Variants in SLC5A10 observed in about 807,000 individuals in gnomAD.
SLC5A10 encodes the protein sodium/mannose cotransporter SLC5A10.
SLC5A10 carries 55 observed loss-of-function variants against 68.9 expected under a neutral mutation model. The ratio of observed to expected loss-of-function variants is 0.80; its 90% CI spans 0.64 to 1.00. SLC5A10 has a LOEUF of 1.00. Among genes scored for constraint, SLC5A10 ranks in the 50% least tolerant of loss-of-function variants. The pLI, the probability that SLC5A10 is intolerant of heterozygous loss-of-function variation, is 0.00. For missense variants in SLC5A10, 732 were observed against 819.3 expected, an observed-to-expected ratio of 0.89 and a Z score of 1.30; for synonymous variants, 344 against 344.8, an observed-to-expected ratio of 1.00 and a Z score of 0.02.
At chr17:18,958,204 G>C (rs908654461) in intron 1 of SLC5A10, among the ~76,000 whole-genome samples, 9 of 152,280 alleles carry the variant, frequency 5.9e-5, no homozygotes, top group African/African-American at 2.2e-4. Flanking sequence ...CTAAGTAGCG[G>C]GGGCCACAGG....
At chr17:18,953,895 T>C (rs1464598891) in intron 1 of SLC5A10, 1 of 152,324 alleles carries the variant, frequency 6.6e-6, no homozygotes. Flanking sequence ...CTTTTCTGGT[T>C]TCAAATATTT....
chr17:19,019,477 G>A lies in SLC5A10; in HGVS notation c.1296G>A (p.Gln432=), dbSNP rs1956772478. The A allele has an allele frequency of 3.7e-6, 6 of 1,612,284 alleles. No homozygotes were observed. The African/African-American group carries it at 5.3e-5, about 14-fold the overall frequency. ...GVSVAWIPVL[Q]DSNSGQLFIY... ...GTGTGGCCTGGATCCCCGTCCTGCA[G>A]GACTCCAACAGCGGGCAACTCTTCA... Residue 432 remains glutamine, a synonymous_variant, in exon 12 of 15, where the codon CAG becomes CAA. Transcript: ENST00000395645.
Position 18,960,610 on chromosome 17 carries a change from G to T in SLC5A10, c.411G>T (p.Leu137=). Residue 137 remains leucine (L), a synonymous_variant, in exon 5 of 15, where the codon CTG becomes CTT. Coordinates refer to ENST00000395645, the MANE Select transcript of SLC5A10 (RefSeq NM_001042450.4). ...GGGGCCAGCGGATCCGCATGTACCTGTCTGTCCTGTCCCTGCTACTGTCTG... is the reference window on the plus strand; with the variant it reads ...GGGGCCAGCGGATCCGCATGTACCTTTCTGTCCTGTCCCTGCTACTGTCTG... The part of the protein sequence containing the change: ...RYGGQRIRMY[L]SVLSLLLSVF... 6.2e-7 allele frequency: 1 copy of T among 1,614,142 alleles called. No individual in the cohort carries two copies.
Position 19,017,301 on chromosome 17 carries a change from C to T in SLC5A10, c.1241+2102C>T. 6.4e-7 allele frequency: 1 copy of T among 1,552,106 alleles called. No individual in the cohort carries two copies. The highest frequency in any genetic ancestry group is 8.7e-7 in the Non-Finnish European group (1 of 1,147,066). On this transcript the variant is annotated intron_variant, in intron 11 of 14. Coordinates refer to ENST00000395645, the MANE Select transcript of SLC5A10 (RefSeq NM_001042450.4). This position sits in a 1 kb window ranked among gnomAD's most constrained non-coding sequence, Gnocchi z 5.6. Reference sequence around the variant, plus strand: ...TCTTACAGCACTGGGATACCCTCAACACCCCCAGCCCCTCAAAGCCGTCTC... The same window carrying T: ...TCTTACAGCACTGGGATACCCTCAATACCCCCAGCCCCTCAAAGCCGTCTC...
At chr17:19,008,539 GC>G (rs1567810432) in intron 9 of SLC5A10, among the ~76,000 whole-genome samples, 2 of 147,288 alleles carry the variant, frequency 1.4e-5, no homozygotes, top group African/African-American at 2.5e-5. Context: ...TTGCACTGTT[GC>G]CCAGGCTGGC....
At position 19,003,815 on chromosome 17, in the gene SLC5A10, G is replaced by A. The variant is rs1035628909; in HGVS notation, c.983-9595G>A. On this transcript the variant is annotated intron_variant, in intron 9 of 14. Coordinates refer to ENST00000395645, the MANE Select transcript of SLC5A10 (RefSeq NM_001042450.4). The surrounding 1 kb of genome is among the most constrained non-coding windows in gnomAD (Gnocchi z 4.5). ...CGTGCCCCGAGGGTCCTCAGAGCCC[G>A]GGTCGTACACCTCGATGGTCTCCAG... is the stretch of plus-strand genomic sequence containing the variant. 7 of 1,612,734 alleles carry A rather than the reference G, an allele frequency of 4.3e-6. No individual in the cohort carries two copies. Among genetic ancestry groups the A allele is most frequent in the African/African-American group, 1.3e-5 (1 of 74,906 alleles).
intron 5 of SLC5A10, among the ~76,000 whole-genome samples, chr17:18,961,528 C>T (rs979456731): frequency 2.6e-5 from 4 of 152,164 alleles, no homozygotes; most frequent in African/African-American, 4.8e-5. Flanking sequence ...GCTGTGTCTG[C>T]GGGAAGTGCT....
intron 1 of SLC5A10, among the ~76,000 whole-genome samples, chr17:18,956,414 C>T (rs900727083): frequency 6.7e-6 from 1 of 150,274 alleles, no homozygotes; most frequent in Non-Finnish European, 1.5e-5. Flanking sequence ...ATCTAAATAC[C>T]TGTCCTGTGT....
At chr17:18,983,807 C>T (rs568697591) in intron 9 of SLC5A10, among the ~76,000 whole-genome samples, 38 of 152,300 alleles carry the variant, frequency 2.5e-4, no homozygotes, top group African/African-American at 8.4e-4. Flanking sequence ...AAGTATGTGA[C>T]GGCATGTAGG....
intron 10 of SLC5A10, 33 bp from the exon 11 acceptor site, chr17:19,015,016 G>A (rs778425703): frequency 8.8e-6 from 14 of 1,598,340 alleles, no homozygotes; most frequent in South Asian, 1.1e-5. Flanking sequence ...TCTCAAGGCC[G>A]GACAGGGTCA....
chr17:19,010,405 C>G (rs2043988943), intron 9 of SLC5A10, among the ~76,000 whole-genome samples: 1 of 152,112 alleles, frequency 6.6e-6, no homozygotes, highest in Admixed American at 6.5e-5. Context: ...CTGGCAAACC[C>G]ATAGACCCCT....
Position 19,013,397 on chromosome 17 carries a change from G to C in SLC5A10, c.983-13G>C, listed in dbSNP as rs767435369. 2.5e-6 allele frequency: 4 copies of C among 1,605,638 alleles called. No individual in the cohort carries two copies. The highest frequency in any genetic ancestry group is 1.1e-5 in the South Asian group (1 of 90,000). On this transcript the variant is annotated splice_polypyrimidine_tract_variant and intron_variant, in intron 9 of 14. Coordinates refer to ENST00000395645, the MANE Select transcript of SLC5A10 (RefSeq NM_001042450.4). ...CTATGAGGAGAGACACCAAGTGTCCGTCTCTCGAACAGATGATGTGGGCTG... is the reference window on the plus strand; with the variant it reads ...CTATGAGGAGAGACACCAAGTGTCCCTCTCTCGAACAGATGATGTGGGCTG...
intron 7 of SLC5A10, chr17:18,970,708 G>A (rs2042820336): frequency 4.8e-6 from 2 of 413,280 alleles, no homozygotes; most frequent in Non-Finnish European, 8.8e-6. Context: ...CTTGCCCAAG[G>A]CCGATGAGTG....
At chr17:18,970,744 T>C in intron 7 of SLC5A10, 1 of 488,848 alleles carries the variant, frequency 2.0e-6, no homozygotes, top group Non-Finnish European at 3.7e-6. Context: ...TGACTCCTGC[T>C]GGGCCAGCGG....
chr17:18,954,678 G>C (rs1238731834), intron 1 of SLC5A10, among the ~76,000 whole-genome samples: 2 of 152,156 alleles, frequency 1.3e-5, no homozygotes, highest in Non-Finnish European at 2.9e-5. Context: ...CTTTAAGGAA[G>C]AGATGTTCCT....
intron 9 of SLC5A10, among the ~76,000 whole-genome samples, chr17:19,002,298 C>A (rs774956293): frequency 1.1e-4 from 16 of 152,122 alleles, no homozygotes; most frequent in Non-Finnish European, 2.2e-4. Context: ...AGGGGCCAGG[C>A]GCCCCCACCC....
chr17:18,971,745 GGCCC>G lies in SLC5A10; in HGVS notation c.846+528_846+531del. On this transcript the variant is annotated intron_variant, in intron 8 of 14. Coordinates refer to ENST00000395645, the MANE Select transcript of SLC5A10 (RefSeq NM_001042450.4). The surrounding 1 kb of genome is among the most constrained non-coding windows in gnomAD (Gnocchi z 5.5). ...GGGACCCTGTGATGATGAAACTGCT[GGCCC>G]TGGGAGAGAGAGAGCAGAGAGTGAG... The G allele has an allele frequency of 6.4e-7, 1 of 1,559,784 alleles. No individual in the cohort carries two copies. The highest frequency in any genetic ancestry group is 8.7e-7 in the Non-Finnish European group (1 of 1,151,020).
intron 9 of SLC5A10, among the ~76,000 whole-genome samples, chr17:19,011,775 GTGCCAGGGTAGGGGACAC>G (rs1597908126): frequency 6.6e-6 from 1 of 151,772 alleles, no homozygotes; most frequent in East Asian, 1.9e-4. Context: ...ATGTTCAAGG[GTGCCAGGGTAGGGGACAC>G]TGCCAGGGTA....
intron 9 of SLC5A10, among the ~76,000 whole-genome samples, chr17:18,987,081 G>T (rs1160470748): frequency 2.0e-5 from 3 of 152,200 alleles, no homozygotes; most frequent in Non-Finnish European, 4.4e-5. Flanking sequence ...GTTGGAGGGG[G>T]TGGGCGCGCC....
Sources: gnomAD v4.1 joint callset for allele counts (sites outside exome capture counted in the v4.1 genomes callset) on GRCh38, gnomAD v4.1.1 for gene constraint, Gnocchi (gnomAD v3.1) non-coding constraint, MANE v1.5 for transcripts, NCBI Gene and HGNC (gene_info 2026-07-23, HGNC 2026-07-21) for gene names.